KCNAB1: variants seen among roughly 807,000 people sequenced by gnomAD.
KCNAB1 encodes the protein voltage-gated potassium channel subunit beta-1.
A neutral mutation model predicts 64.6 loss-of-function variants in KCNAB1; 35 were observed. The ratio of observed to expected loss-of-function variants is 0.54; its 90% CI spans 0.41 to 0.72. The LOEUF is 0.72. Ranked by LOEUF, KCNAB1 falls within the 30% of genes least tolerant of loss-of-function variation. The pLI, the probability that KCNAB1 is intolerant of heterozygous loss-of-function variation, is 0.00. For missense variants in KCNAB1, 401 were observed against 512.9 expected (o/e 0.78, Z 2.11); for synonymous variants, 177 against 183.8 (o/e 0.96, Z 0.30).
chr3:156,118,419 G>A, upstream of KCNAB1: 1 of 415,534 alleles, frequency 2.4e-6, no homozygotes, highest in South Asian at 1.8e-5. Context: ...AACTGTGAAT[G>A]TTACATAGCA....
intron 1 of KCNAB1, among the ~76,000 whole-genome samples, chr3:156,130,643 A>G (rs151139417): frequency 3.3e-5 from 5 of 152,376 alleles, no homozygotes; most frequent in Non-Finnish European, 7.3e-5. Context: ...TCTCAACTCA[A>G]CAGAATGGCT....
At chr3:156,467,846 A>C (rs1404022988) in intron 7 of KCNAB1, among the ~76,000 whole-genome samples, 1 of 152,104 alleles carries the variant, frequency 6.6e-6, no homozygotes, top group Non-Finnish European at 1.5e-5. Flanking sequence ...TTCTAAAAGG[A>C]ATATGCCATC....
At chr3:156,512,730 C>T (rs560996210) in intron 8 of KCNAB1, among the ~76,000 whole-genome samples, 2 of 152,310 alleles carry the variant, frequency 1.3e-5, no homozygotes, top group African/African-American at 4.8e-5. Flanking sequence ...CTTTTTTAAT[C>T]ATATGTTTTA....
chr3:156,257,420 A>G (rs1268343769), intron 1 of KCNAB1, among the ~76,000 whole-genome samples: 1 of 152,188 alleles, frequency 6.6e-6, no homozygotes, highest in Admixed American at 6.5e-5. Flanking sequence ...ATTTTATAAT[A>G]AAAAGGAACT....
At chr3:156,304,288 A>G (rs1721341658) in intron 1 of KCNAB1, among the ~76,000 whole-genome samples, 1 of 152,190 alleles carries the variant, frequency 6.6e-6, no homozygotes, top group Non-Finnish European at 1.5e-5. Flanking sequence ...TATGCTGATT[A>G]CCTCATGTCA....
intron 1 of KCNAB1, among the ~76,000 whole-genome samples, chr3:156,279,807 T>TG (rs969562976): frequency 1.3e-5 from 2 of 152,158 alleles, no homozygotes; most frequent in African/African-American, 4.8e-5. Context: ...CACTTTCTGA[T>TG]GGGGTTGTTT....
intron 1 of KCNAB1, chr3:156,143,303 C>T (rs1299110073): frequency 1.2e-6 from 2 of 1,613,560 alleles, no homozygotes; most frequent in South Asian, 2.2e-5. Flanking sequence ...CCTCAGGCGG[C>T]CTGCAAACCT....
intron 1 of KCNAB1, among the ~76,000 whole-genome samples, chr3:156,136,644 G>C (rs9869649): frequency 0.74 from 112,558 of 152,168 alleles, 42,015 homozygotes; most frequent in African/African-American, 0.8. Flanking sequence ...CCATCCTTTC[G>C]ACGCCGCTCA....
chr3:156,131,519 T>C (rs1322172436), intron 1 of KCNAB1, among the ~76,000 whole-genome samples: 1 of 152,222 alleles, frequency 6.6e-6, no homozygotes, highest in Non-Finnish European at 1.5e-5. Context: ...GTGAATAGGC[T>C]GTAGGTGAAT....
chr3:156,130,847 T>G (rs1341928085), intron 1 of KCNAB1, among the ~76,000 whole-genome samples: 1 of 152,236 alleles, frequency 6.6e-6, no homozygotes, highest in African/African-American at 2.4e-5. Flanking sequence ...GCTGGAATGT[T>G]GGGAAGTCAC....
chr3:156,248,468 G>T (rs1717597957), intron 1 of KCNAB1, among the ~76,000 whole-genome samples: 1 of 101,920 alleles, frequency 9.8e-6, no homozygotes, highest in Non-Finnish European at 1.8e-5. Context: ...CCTGTAATGA[G>T]ATTTTTTTTT....
chr3:156,469,415 C>T lies in KCNAB1; in HGVS notation c.571+3729C>T, dbSNP rs555560929. ...GGGACTACAGTCATGTGCCACCGTG[C>T]CCAGCTAATTTTTTTGTATTTTTAG... On this transcript the variant is annotated intron_variant, in intron 7 of 13. Coordinates refer to ENST00000490337, the MANE Select transcript of KCNAB1 (RefSeq NM_172160.3). Among the ~76,000 whole-genome samples the T allele has an allele frequency of 2.0e-5, 3 of 151,976 alleles. No individual in the cohort carries two copies. The East Asian group carries it at 5.8e-4, about 29-fold the overall frequency.
intron 1 of KCNAB1, among the ~76,000 whole-genome samples, chr3:156,177,668 C>T (rs1712491773): frequency 2.0e-5 from 3 of 151,782 alleles, no homozygotes; most frequent in South Asian, 4.2e-4. Flanking sequence ...TGAGCCACTG[C>T]GCCCGGCCGT....
intron 2 of KCNAB1, among the ~76,000 whole-genome samples, chr3:156,426,437 G>A (rs1380368427): frequency 1.3e-5 from 2 of 152,180 alleles, no homozygotes; most frequent in African/African-American, 2.4e-5. Context: ...CTTCACCAGA[G>A]TGGCACATTT....
intron 1 of KCNAB1, among the ~76,000 whole-genome samples, chr3:156,332,358 A>G (rs894973343): frequency 9.2e-5 from 14 of 152,150 alleles, no homozygotes. Context: ...AAGTTTAGTC[A>G]TCCAATTTCT....
At chr3:156,513,181 C>T (rs1717329556) in intron 8 of KCNAB1, among the ~76,000 whole-genome samples, 1 of 151,900 alleles carries the variant, frequency 6.6e-6, no homozygotes, top group South Asian at 2.1e-4. Context: ...CACTGCACTC[C>T]AGCCTGGGCC....
At chr3:156,303,616 A>G (rs1467659966) in intron 1 of KCNAB1, among the ~76,000 whole-genome samples, 1 of 152,172 alleles carries the variant, frequency 6.6e-6, no homozygotes, top group Non-Finnish European at 1.5e-5. Flanking sequence ...TAGGGATAGG[A>G]GGATATTGCT....
At chr3:156,143,377 T>G (rs1714824173) in intron 1 of KCNAB1, 1 of 1,606,648 alleles carries the variant, frequency 6.2e-7, no homozygotes, top group South Asian at 1.1e-5. Context: ...TCATGGAATT[T>G]CGTTGCAGGA....
At position 156,159,078 on chromosome 3, in the gene KCNAB1, C is replaced by G. The variant is rs546622403; in HGVS notation, c.275+38192C>G. On this transcript the variant is annotated intron_variant, in intron 1 of 13. Coordinates refer to ENST00000490337, the MANE Select transcript of KCNAB1 (RefSeq NM_172160.3). ...GGCAACCTACATATGTCCGCCCCCC[C>G]CTGTAATAATTGAGTCTGGAGGGCA... Among the ~76,000 whole-genome samples, 414 of 151,552 alleles carry G rather than the reference C, an allele frequency of 2.7e-3. 1 individual carries two copies. Among genetic ancestry groups the G allele is most frequent in the African/African-American group, 9.1e-3 (373 of 40,998 alleles).
Sources: gnomAD v4.1 joint callset for allele counts (sites outside exome capture counted in the v4.1 genomes callset) on GRCh38, gnomAD v4.1.1 for gene constraint, MANE v1.5 for transcripts, NCBI Gene and HGNC (gene_info 2026-07-23, HGNC 2026-07-21) for gene names.